Variants in RHOQ observed in about 807,000 individuals in gnomAD.
RHOQ encodes rho-related GTP-binding protein RhoQ.
RHOQ carries 7 observed loss-of-function variants against 25.8 expected under a neutral mutation model. The observed-to-expected ratio is 0.27, with a 90% CI of 0.15 to 0.51. The LOEUF (loss-of-function observed/expected upper bound fraction) is 0.51. Ranked by LOEUF, RHOQ falls within the 20% of genes least tolerant of loss-of-function variation. RHOQ has a pLI of 0.97. For missense variants in RHOQ, 165 were observed against 260.6 expected (o/e 0.63, Z 2.53); for synonymous variants, 97 against 98.6 (o/e 0.98, Z 0.10).
At chr2:46,551,646 A>G (rs1668244884) in intron 2 of RHOQ, among the ~76,000 whole-genome samples, 1 of 152,156 alleles carries the variant, frequency 6.6e-6, no homozygotes, top group Admixed American at 6.5e-5. Flanking sequence ...TAATAGAAAG[A>G]AAAGAATGTG....
chr2:46,547,691 T>C (rs576197052), intron 2 of RHOQ, among the ~76,000 whole-genome samples: 58 of 152,366 alleles, frequency 3.8e-4, no homozygotes, highest in African/African-American at 1.4e-3. Flanking sequence ...GTTGGCTTCC[T>C]GCCTGGGCCT....
intron 2 of RHOQ, among the ~76,000 whole-genome samples, chr2:46,554,658 AG>A (rs887271080): frequency 6.6e-6 from 1 of 152,288 alleles, no homozygotes; most frequent in East Asian, 1.9e-4. Flanking sequence ...AGGGAGAGGA[AG>A]GGCTGTGTTA....
intron 4 of RHOQ, among the ~76,000 whole-genome samples, chr2:46,578,827 T>C (rs955764752): frequency 1.3e-5 from 2 of 152,026 alleles, no homozygotes; most frequent in Non-Finnish European, 2.9e-5. Context: ...TTTTAAATGT[T>C]CTCACCACAC....
intron 1 of RHOQ, 158 bp downstream of exon 1, chr2:46,543,346 T>C (rs1667901125): frequency 9.9e-6 from 7 of 706,246 alleles, no homozygotes; most frequent in Non-Finnish European, 2.3e-6. Flanking sequence ...GAAGCTTCGC[T>C]CCTGGCAACC....
Position 46,566,793 on chromosome 2 carries a change from T to C in RHOQ, c.202-9294T>C, listed in dbSNP as rs1440705740. Among the ~76,000 whole-genome samples, 2 of 152,164 alleles carry C rather than the reference T, an allele frequency of 1.3e-5. No individual in the cohort carries two copies. Among genetic ancestry groups the C allele is most frequent in the Non-Finnish European group, 2.9e-5 (2 of 68,028 alleles). The stretch of plus-strand genomic sequence containing the variant: ...TTTGCATACATTGTCTTGTTGTCTG[T>C]CTCCTTAAGCGGTCCCTCAGGTCTC... On this transcript the variant is annotated intron_variant, in intron 2 of 4. Coordinates refer to ENST00000238738, the MANE Select transcript of RHOQ (RefSeq NM_012249.4). The surrounding 1 kb of genome is among the most constrained non-coding windows in gnomAD (Gnocchi z 4.2).
At chr2:46,580,834 GTATTT>G in intron 4 of RHOQ, 89 bp from the exon 5 acceptor site, 29 of 905,940 alleles carry the variant, frequency 3.2e-5, no homozygotes, top group Non-Finnish European at 4.5e-5. Context: ...TTGCATAGCT[GTATTT>G]TATAATTTTC....
intron 1 of RHOQ, 23 bp from the exon 2 acceptor site, chr2:46,543,731 C>T (rs563672507): frequency 6.2e-6 from 10 of 1,609,692 alleles, no homozygotes; most frequent in South Asian, 5.5e-5. Context: ...CTTCTCTCCC[C>T]GCCCCCACTT....
In RHOQ at chr2:46,566,931, C is replaced by T. The variant is rs1668753633; in HGVS notation, c.202-9156C>T. On this transcript the variant is annotated intron_variant, in intron 2 of 4. Transcript: ENST00000238738. This position sits in a 1 kb window ranked among gnomAD's most constrained non-coding sequence, Gnocchi z 4.2. ...GCTCTTTTCCTTCATAGCACCTGTC[C>T]CAATTTGCATTTATAGTCATTTTTG... 6.6e-6 allele frequency among the ~76,000 whole-genome samples: 1 copy of T among 152,148 alleles called. No homozygotes were observed. The highest frequency in any genetic ancestry group is 2.4e-5 in the African/African-American group (1 of 41,426).
rs1296082324 is a variant in RHOQ, at chr2:46,582,716, A to C, written c.*1633A>C. ...TGCACAGATTGGGTAATGGAACACT[A>C]AACTTTTATACTTGAAAATGACAGC... is the stretch of plus-strand genomic sequence containing the variant. On this transcript the variant is annotated 3_prime_UTR_variant, in exon 5 of 5. Coordinates refer to ENST00000238738, the MANE Select transcript of RHOQ (RefSeq NM_012249.4). 6.6e-6 allele frequency: 1 copy of C among 152,652 alleles called. No homozygotes were observed. The highest frequency in any genetic ancestry group is 1.5e-5 in the Non-Finnish European group (1 of 68,032). 9.5% of individuals were successfully genotyped at this position (152,652 alleles called of 1,614,324 possible).
At chr2:46,577,434 C>CTGTG (rs1334388469) in intron 4 of RHOQ, among the ~76,000 whole-genome samples, 1 of 136,774 alleles carries the variant, frequency 7.3e-6, no homozygotes, top group African/African-American at 2.8e-5. Flanking sequence ...GAGTCCCACT[C>CTGTG]TGTGGCCCAG....
intron 2 of RHOQ, among the ~76,000 whole-genome samples, chr2:46,575,410 C>CAG (rs1325674446): frequency 1.4e-3 from 199 of 147,344 alleles, no homozygotes; most frequent in African/African-American, 4.9e-3. Context: ...CACACACACA[C>CAG]ACACACACAC....
chr2:46,567,907 A>G (rs1365699894), intron 2 of RHOQ, among the ~76,000 whole-genome samples: 1 of 152,000 alleles, frequency 6.6e-6, no homozygotes, highest in Non-Finnish European at 1.5e-5. Flanking sequence ...AAAAAAAATA[A>G]AATAAAAAAA....
At chr2:46,559,059 T>G (rs1572742910) in intron 2 of RHOQ, among the ~76,000 whole-genome samples, 1 of 152,344 alleles carries the variant, frequency 6.6e-6, no homozygotes, top group African/African-American at 2.4e-5. Flanking sequence ...GTTCAAGTGA[T>G]CCTCCCACCT....
chr2:46,543,479 C>T, intron 1 of RHOQ: 2 of 600,044 alleles, frequency 3.3e-6, no homozygotes, highest in Non-Finnish European at 5.9e-6. Context: ...TTTCCTACTG[C>T]CCCAAGGCCC....
chr2:46,566,524 A>C lies in RHOQ; in HGVS notation c.202-9563A>C, dbSNP rs1668736708. On this transcript the variant is annotated intron_variant, in intron 2 of 4. Transcript: ENST00000238738. This position sits in a 1 kb window ranked among gnomAD's most constrained non-coding sequence, Gnocchi z 4.2. ...CTAAGCTTCCATCTTCTCTCAGCTG[A>C]ATTACTATAATAACCTCTCCCCTTA... Among the ~76,000 whole-genome samples the C allele has an allele frequency of 6.6e-6, 1 of 152,176 alleles. No homozygotes were observed. The highest frequency in any genetic ancestry group is 2.1e-4 in the South Asian group (1 of 4,826).
chr2:46,563,942 G>T (rs796925399), intron 2 of RHOQ, among the ~76,000 whole-genome samples: 9 of 151,514 alleles, frequency 5.9e-5, no homozygotes, highest in African/African-American at 2.2e-4. Flanking sequence ...GGGCCACCAC[G>T]CCCAGCCCCT....
At position 46,576,302 on chromosome 2, in the gene RHOQ, G is replaced by A. The variant is rs765376324; in HGVS notation, c.366+51G>A. On this transcript the variant is annotated intron_variant, in intron 3 of 4. Transcript: ENST00000238738. The surrounding 1 kb of genome is among the most constrained non-coding windows in gnomAD (Gnocchi z 5.1). ...TTTAGAATAAGCTCTTTGGTCTGTC[G>A]TAGAGGCTGCTCTCAGACAAACAGT... 60 of 1,458,150 alleles carry A rather than the reference G, an allele frequency of 4.1e-5. No individual in the cohort carries two copies. The highest frequency in any genetic ancestry group is 7.1e-5 in the African/African-American group (5 of 70,602). 90.3% of individuals were successfully genotyped at this position (1,458,150 alleles called of 1,614,324 possible). A position where few individuals can be genotyped will look rare whatever the true frequency, so the allele number is the denominator to read the frequency against.
At chr2:46,572,109 T>TTTTTG (rs1668939887) in intron 2 of RHOQ, among the ~76,000 whole-genome samples, 1 of 75,824 alleles carries the variant, frequency 1.3e-5, no homozygotes, top group African/African-American at 4.1e-5. Flanking sequence ...AAGTGTGTGT[T>TTTTTG]TTTTTTTTTT....
At position 46,546,164 on chromosome 2, in the gene RHOQ, A is replaced by G. The variant is rs2103978686; in HGVS notation, c.201+2352A>G. Among the ~76,000 whole-genome samples the G allele has an allele frequency of 2.0e-5, 3 of 152,034 alleles. 1 individual carries two copies. Among genetic ancestry groups the G allele is most frequent in the Admixed American group, 2.0e-4 (3 of 15,268 alleles). On this transcript the variant is annotated intron_variant, in intron 2 of 4. Coordinates refer to ENST00000238738, the MANE Select transcript of RHOQ (RefSeq NM_012249.4). ...GGCAAGTGCCTGCTGTGTACCTGGT[A>G]CTATGTCCAGGTACTTTTGCACCTG...
Sources: allele counts gnomAD v4.1 joint callset (sites outside exome capture counted in the v4.1 genomes callset), GRCh38; gene constraint gnomAD v4.1.1; non-coding constraint Gnocchi (gnomAD v3.1); transcripts MANE v1.5; gene names NCBI Gene and HGNC (gene_info 2026-07-23, HGNC 2026-07-21).